Variants in FHIT observed in about 807,000 individuals in gnomAD.
The protein encoded by FHIT is fragile histidine triad diadenosine triphosphatase.
Under a neutral mutation model 17.9 loss-of-function variants are expected in FHIT, and 19 were observed. The observed-to-expected ratio is 1.06, with a 90% CI of 0.74 to 1.56. The LOEUF is 1.56. FHIT is among the 40% of genes most tolerant of loss of function. The pLI, the probability that FHIT is intolerant of heterozygous loss-of-function variation, is 0.00. For synonymous variants in FHIT, 81 were observed against 69.7 expected (o/e 1.16, Z -0.81); for missense variants, 248 against 189.2 (o/e 1.31, Z -1.82).
At chr3:60,676,316 T>C in intron 4 of FHIT, among the ~76,000 whole-genome samples, 1 of 152,198 alleles carries the variant, frequency 6.6e-6, no homozygotes, top group South Asian at 2.1e-4. Context: ...CCTTTGGTGG[T>C]GTGGAACTTA....
chr3:60,518,308 T>C (rs987197402), intron 5 of FHIT, among the ~76,000 whole-genome samples: 1 of 152,080 alleles, frequency 6.6e-6, no homozygotes. Flanking sequence ...AATATCCCAA[T>C]AGAAAAAGAA....
intron 2 of FHIT, among the ~76,000 whole-genome samples, chr3:61,105,947 G>A (rs1224579727): frequency 6.6e-6 from 1 of 152,172 alleles, no homozygotes; most frequent in African/African-American, 2.4e-5. Context: ...TTTTTCCAAT[G>A]GTTTTAAATG....
intron 4 of FHIT, among the ~76,000 whole-genome samples, chr3:60,562,389 C>G (rs183265806): frequency 4.2e-4 from 64 of 152,240 alleles, no homozygotes; most frequent in Admixed American, 4.1e-3. Flanking sequence ...GATGGAGTGG[C>G]AGCAGGACTG....
intron 3 of FHIT, among the ~76,000 whole-genome samples, chr3:60,834,245 C>T (rs1184658995): frequency 6.6e-6 from 1 of 152,214 alleles, no homozygotes; most frequent in African/African-American, 2.4e-5. Flanking sequence ...AACACAATTT[C>T]TCTGCATCCT....
intron 5 of FHIT, among the ~76,000 whole-genome samples, chr3:60,129,602 C>T (rs886350033): frequency 7.9e-5 from 12 of 152,124 alleles, no homozygotes; most frequent in Admixed American, 4.6e-4. Flanking sequence ...ATATTATGTA[C>T]GTAAAGTCCT....
chr3:60,365,262 T>C (rs1054479476), intron 5 of FHIT, among the ~76,000 whole-genome samples: 1 of 151,758 alleles, frequency 6.6e-6, no homozygotes, highest in African/African-American at 2.4e-5. Context: ...TAAAAATGCA[T>C]ATGGAGGAGA....
intron 2 of FHIT, among the ~76,000 whole-genome samples, chr3:61,067,535 C>T (rs34539792): frequency 0.6 from 90,682 of 151,482 alleles, 27,972 homozygotes; most frequent in Non-Finnish European, 0.65. Flanking sequence ...TGGGGGTCAG[C>T]CACATAGACA....
chr3:59,789,493 G>A (rs1471584238), intron 8 of FHIT, among the ~76,000 whole-genome samples: 1 of 152,098 alleles, frequency 6.6e-6, no homozygotes, highest in Non-Finnish European at 1.5e-5. Flanking sequence ...ATCAAATATT[G>A]CAGGAAGGTT....
At chr3:60,354,040 G>C (rs1006289106) in intron 5 of FHIT, among the ~76,000 whole-genome samples, 2 of 152,012 alleles carry the variant, frequency 1.3e-5, no homozygotes, top group Admixed American at 1.3e-4. Context: ...CACGATGATG[G>C]GCTGGAGAAT....
At chr3:60,218,322 G>C (rs1033280073) in intron 5 of FHIT, among the ~76,000 whole-genome samples, 1 of 152,120 alleles carries the variant, frequency 6.6e-6, no homozygotes, top group African/African-American at 2.4e-5. Context: ...AAGCTTTCAA[G>C]TAATGTTGCT....
chr3:60,384,905 G>A (rs1165034397), intron 5 of FHIT, among the ~76,000 whole-genome samples: 1 of 150,652 alleles, frequency 6.6e-6, no homozygotes, highest in African/African-American at 2.4e-5. Context: ...CTAAATTTAC[G>A]TTCAATGCCT....
intron 7 of FHIT, among the ~76,000 whole-genome samples, chr3:59,997,818 C>T (rs915237185): frequency 6.6e-6 from 1 of 152,128 alleles, no homozygotes; most frequent in Non-Finnish European, 1.5e-5. Context: ...CCCCCTCTAC[C>T]CCCACCTTTT....
intron 1 of FHIT, among the ~76,000 whole-genome samples, chr3:61,242,886 T>C (rs549310666): frequency 5.3e-4 from 81 of 152,246 alleles, no homozygotes; most frequent in African/African-American, 1.5e-3. Context: ...TGGAAAAATA[T>C]CTCCAGCACC....
At chr3:60,742,092 G>A (rs782623164) in intron 4 of FHIT, among the ~76,000 whole-genome samples, 1 of 152,176 alleles carries the variant, frequency 6.6e-6, no homozygotes, top group Non-Finnish European at 1.5e-5. Context: ...GGCACTCTGA[G>A]CTTGTTTCCT....
At chr3:60,903,019 C>T (rs545667006) in intron 3 of FHIT, among the ~76,000 whole-genome samples, 11 of 152,262 alleles carry the variant, frequency 7.2e-5, no homozygotes, top group African/African-American at 2.6e-4. Flanking sequence ...CTCTTTACTC[C>T]TATAAACCTG....
At chr3:60,060,424 T>C (rs1233572214) in intron 5 of FHIT, among the ~76,000 whole-genome samples, 2 of 152,176 alleles carry the variant, frequency 1.3e-5, no homozygotes, top group Non-Finnish European at 2.9e-5. Flanking sequence ...CATAACAAAG[T>C]TCTTTATTTC....
intron 1 of FHIT, among the ~76,000 whole-genome samples, chr3:61,244,596 A>T (rs1213445169): frequency 2.0e-5 from 3 of 152,176 alleles, no homozygotes; most frequent in African/African-American, 7.2e-5. Flanking sequence ...GAAGCAGGTC[A>T]TAAAACCTAG....
intron 2 of FHIT, among the ~76,000 whole-genome samples, chr3:61,082,881 A>C (rs1275271135): frequency 1.3e-5 from 2 of 151,916 alleles, no homozygotes; most frequent in Non-Finnish European, 2.9e-5. Context: ...TTTTTCTCCC[A>C]TCCAAGTACT....
intron 8 of FHIT, among the ~76,000 whole-genome samples, chr3:59,864,857 C>T (rs1272658763): frequency 6.6e-6 from 1 of 151,778 alleles, no homozygotes; most frequent in Non-Finnish European, 1.5e-5. Flanking sequence ...ATTTTGCATG[C>T]TGTTCATTTA....
Sources: allele counts gnomAD v4.1 joint callset (sites outside exome capture counted in the v4.1 genomes callset), GRCh38; gene constraint gnomAD v4.1.1; transcripts MANE v1.5; gene names NCBI Gene and HGNC (gene_info 2026-07-23, HGNC 2026-07-21).